ACSS1: variants seen among roughly 807,000 people sequenced by gnomAD.
ACSS1 encodes the protein acyl-CoA synthetase short chain family member 1.
ACSS1 carries 42 observed loss-of-function variants against 75.3 expected under a neutral mutation model. The ratio of observed to expected loss-of-function variants is 0.56; its 90% CI spans 0.44 to 0.72. The LOEUF is 0.72. Among genes scored for constraint, ACSS1 ranks in the 30% least tolerant of loss-of-function variants. ACSS1 has a pLI of 0.00. For synonymous variants in ACSS1, 380 were observed against 376.8 expected (o/e 1.01, Z -0.10); for missense variants, 782 against 935.7 (o/e 0.84, Z 2.14).
chr20:25,051,999 C>A (rs1008927185), intron 1 of ACSS1, among the ~76,000 whole-genome samples: 1 of 152,208 alleles, frequency 6.6e-6, no homozygotes, highest in Non-Finnish European at 1.5e-5. Context: ...TTTGTTCTGG[C>A]CACCATGGCT....
chr20:25,046,007 C>G (rs904693743), intron 2 of ACSS1: 1 of 152,188 alleles, frequency 6.6e-6, no homozygotes, highest in Admixed American at 6.5e-5. Flanking sequence ...CTCACTGCAA[C>G]ATCCACCTCC....
chr20:25,053,346 T>A (rs1440709164), intron 1 of ACSS1, among the ~76,000 whole-genome samples: 1 of 151,784 alleles, frequency 6.6e-6, no homozygotes, highest in Non-Finnish European at 1.5e-5. Flanking sequence ...ATTCCAGGCA[T>A]GAGCCACGGC....
At position 25,013,585 on chromosome 20, in the gene ACSS1, G is replaced by A. The variant is rs1211766847; in HGVS notation, c.1530C>T (p.Ile510=). ...SQAWPGMART[I]YGDHQRFVDA... is the part of the protein sequence containing the mutation. ...CCACAAATCGCTGGTGGTCGCCATAGATGGTCCTGGCCATGCCCGGCCAGG... is the reference window on the plus strand; with the variant it reads ...CCACAAATCGCTGGTGGTCGCCATAAATGGTCCTGGCCATGCCCGGCCAGG... Residue 510 remains isoleucine (I), a synonymous_variant, in exon 10 of 14, where the codon ATC becomes ATT. Coordinates refer to ENST00000323482, the MANE Select transcript of ACSS1 (RefSeq NM_032501.4). 2.5e-6 allele frequency: 4 copies of A among 1,609,834 alleles called. No homozygotes were observed. Among genetic ancestry groups the A allele is most frequent in the Non-Finnish European group, 3.4e-6 (4 of 1,176,804 alleles).
Position 25,022,926 on chromosome 20 carries a change from G to A in ACSS1, c.960+14C>T, listed in dbSNP as rs753226662. The A allele has an allele frequency of 4.6e-5, 74 of 1,601,056 alleles. 1 individual carries two copies. Among genetic ancestry groups the A allele is most frequent in the African/African-American group, 1.7e-4 (13 of 74,658 alleles). ...CCCTGCCAAGGGCCCAGCACCGCCC[G>A]CACAGGCCTGTACCTTGTGAGTCAG... is the stretch of plus-strand genomic sequence containing the variant. On this transcript the variant is annotated intron_variant, in intron 5 of 13. Transcript: ENST00000323482.
chr20:25,012,598 C>T lies in ACSS1; in HGVS notation c.1771+3G>A. 6.2e-7 allele frequency: 1 copy of T among 1,614,222 alleles called. No homozygotes were observed. On this transcript the variant is annotated splice_donor_region_variant and intron_variant, in intron 12 of 13. Coordinates refer to ENST00000323482, the MANE Select transcript of ACSS1 (RefSeq NM_032501.4). Reference sequence around the variant, plus strand: ...GGGAGGAGCTCATCTCCAGGACACTCACCTTCTCCTTTGATGTCGTGGGGG... The same window carrying T: ...GGGAGGAGCTCATCTCCAGGACACTTACCTTCTCCTTTGATGTCGTGGGGG...
At chr20:25,019,050 C>T (rs2122624298) in intron 7 of ACSS1, among the ~76,000 whole-genome samples, 1 of 152,338 alleles carries the variant, frequency 6.6e-6, no homozygotes, top group South Asian at 2.1e-4. Flanking sequence ...TCATGGTCAC[C>T]CAGTAGTAGT....
intron 1 of ACSS1, among the ~76,000 whole-genome samples, chr20:25,052,923 C>T (rs997696838): frequency 3.9e-5 from 6 of 152,204 alleles, no homozygotes; most frequent in Non-Finnish European, 7.3e-5. Context: ...CCATTACAAT[C>T]CTGACACACA....
chr20:25,057,725 A>T (rs759379118), intron 1 of ACSS1, 44 bp downstream of exon 1: 1 of 1,511,894 alleles, frequency 6.6e-7, no homozygotes, highest in Admixed American at 1.9e-5. Flanking sequence ...TCCCCTCGGG[A>T]CCCAAGAGTT....
chr20:25,040,302 G>A (rs568387366), intron 2 of ACSS1, among the ~76,000 whole-genome samples: 4 of 152,318 alleles, frequency 2.6e-5, no homozygotes, highest in Admixed American at 1.3e-4. Flanking sequence ...CACACAGAAC[G>A]CTCCAGAGCC....
At position 25,030,940 on chromosome 20, in the gene ACSS1, C is replaced by G; in HGVS notation, c.450G>C (p.Thr150=). The G allele has an allele frequency of 2.5e-6, 4 of 1,614,104 alleles. No homozygotes were observed. The highest frequency in any genetic ancestry group is 3.4e-6 in the Non-Finnish European group (4 of 1,180,026). The change falls in exon 3 of 14, where the codon ACG becomes ACC. Residue 150 remains threonine, a synonymous_variant. Transcript: ENST00000323482. Reference sequence around the variant, plus strand: ...TCTTCAGCGTGTTGGCCAGGCGGCACGTGGTCTCCAGTAGTTCCCTGCAGC... The same window carrying G: ...TCTTCAGCGTGTTGGCCAGGCGGCAGGTGGTCTCCAGTAGTTCCCTGCAGC... The part of the protein sequence containing the change: ...RITYRELLET[T]CRLANTLKRH...
rs1287851207 is a variant in ACSS1 at position 25,013,797 on chromosome 20, G to A, written c.1453-135C>T. ...CCCTGAGGAGGGCCCCAAGCCACCT[G>A]TGTGGCCACTACCCAGTGCATGATA... is the stretch of plus-strand genomic sequence containing the variant. On this transcript the variant is annotated intron_variant, in intron 9 of 13. Coordinates refer to ENST00000323482, the MANE Select transcript of ACSS1 (RefSeq NM_032501.4). 7 of 1,356,570 alleles carry A rather than the reference G, an allele frequency of 5.2e-6. No individual in the cohort carries two copies. The South Asian group carries it at 6.9e-5, about 13-fold the overall frequency. 84.0% of individuals were successfully genotyped at this position (1,356,570 alleles called of 1,614,324 possible). A position where few individuals can be genotyped will look rare whatever the true frequency, so the allele number is the denominator to read the frequency against.
chr20:25,058,000 G>C lies in ACSS1; in HGVS notation c.103C>G (p.Arg35Gly). 1 of 1,498,476 alleles carries C rather than the reference G, an allele frequency of 6.7e-7. No homozygotes were observed. The highest frequency in any genetic ancestry group is 8.9e-7 in the Non-Finnish European group (1 of 1,124,926). The allele number at this position is 1,498,476 out of a possible 1,614,324, so 92.8% of individuals were successfully genotyped here. Reference sequence around the variant, plus strand: ...CCCGAGGGTCCCGAGGCCGCCCTGCGCGGCGCGCTCACCCCGCACGGCGGC... The same window carrying C: ...CCCGAGGGTCCCGAGGCCGCCCTGCCCGGCGCGCTCACCCCGCACGGCGGC... ...ARPPCGVSAP[R>G]RAASGPSGSA... Residue 35 changes from arginine (R) to glycine (G), a missense_variant, in exon 1 of 14, where the codon CGC becomes GGC. Arg to Gly is a moderately radical substitution (Grantham distance 125). Transcript: ENST00000323482.
chr20:25,042,770 C>T (rs977330709), intron 2 of ACSS1, among the ~76,000 whole-genome samples: 15 of 152,184 alleles, frequency 9.9e-5, no homozygotes, highest in Non-Finnish European at 2.1e-4. Flanking sequence ...GCCCCAGCAG[C>T]CATGGGGCCA....
chr20:25,010,312 T>G (rs1446327139), intron 12 of ACSS1: 1 of 152,320 alleles, frequency 6.6e-6, no homozygotes, highest in African/African-American at 2.4e-5. Flanking sequence ...GTCTCTCTCC[T>G]CTACTCTTGA....
In ACSS1 at chr20:25,050,776, C is replaced by T. The variant is rs562313280; in HGVS notation, c.335-2595G>A. ...CCAACTTCAAACAGGCCCTCACAGC[C>T]TCCCAGCCCAGCAGGACATCCTGCA... On this transcript the variant is annotated intron_variant, in intron 1 of 13. Coordinates refer to ENST00000323482, the MANE Select transcript of ACSS1 (RefSeq NM_032501.4). Among the ~76,000 whole-genome samples the T allele has an allele frequency of 2.0e-4, 31 of 152,188 alleles. No individual in the cohort carries two copies. The South Asian group carries it at 5.8e-3, about 29-fold the overall frequency.
In ACSS1 at chr20:25,007,059, C is replaced by T. The variant is rs2088321772; in HGVS notation, c.*703G>A. 1 of 1,471,798 alleles carries T rather than the reference C, an allele frequency of 6.8e-7. No individual in the cohort carries two copies. The highest frequency in any genetic ancestry group is 1.4e-5 in the African/African-American group (1 of 70,936). The allele number at this position is 1,471,798 out of a possible 1,614,324, so 91.2% of individuals were successfully genotyped here. ...CACCCCACCGCTTAGGAGTTAGCTCCATTATACACAACCAAGCACAGGAGA... is the reference window on the plus strand; with the variant it reads ...CACCCCACCGCTTAGGAGTTAGCTCTATTATACACAACCAAGCACAGGAGA... On this transcript the variant is annotated 3_prime_UTR_variant, in exon 14 of 14. Coordinates refer to ENST00000323482, the MANE Select transcript of ACSS1 (RefSeq NM_032501.4).
chr20:25,012,461 C>G (rs1045188597), intron 12 of ACSS1, 140 bp downstream of exon 12: 27 of 1,080,496 alleles, frequency 2.5e-5, no homozygotes, highest in Admixed American at 8.2e-5. Flanking sequence ...ACAGTTTCCA[C>G]TTGAGAGAGA....
At chr20:25,012,429 G>A (rs542706251) in intron 12 of ACSS1, 172 bp downstream of exon 12, 41 of 771,774 alleles carry the variant, frequency 5.3e-5, no homozygotes, top group South Asian at 5.2e-4. Flanking sequence ...CCGAACACGA[G>A]TGCTATTCAG....
intron 7 of ACSS1, among the ~76,000 whole-genome samples, chr20:25,018,146 C>A (rs758042243): frequency 2.6e-5 from 4 of 152,210 alleles, no homozygotes; most frequent in Non-Finnish European, 5.9e-5. Flanking sequence ...GAGGTGGAAC[C>A]TTTATGAGGT....
Sources: allele counts gnomAD v4.1 joint callset (sites outside exome capture counted in the v4.1 genomes callset), GRCh38; gene constraint gnomAD v4.1.1; transcripts MANE v1.5; gene names NCBI Gene and HGNC (gene_info 2026-07-23, HGNC 2026-07-21).